Variants in ABCA8 observed in about 807,000 individuals in gnomAD.
The protein encoded by ABCA8 is ABC-type organic anion transporter ABCA8.
Under a neutral mutation model 192.3 loss-of-function variants are expected in ABCA8, and 177 were observed. That is an observed-to-expected ratio of 0.92 (90% CI 0.81 to 1.04). The LOEUF (loss-of-function observed/expected upper bound fraction) is 1.04. Among genes scored for constraint, ABCA8 ranks in the 50% least tolerant of loss-of-function variants. The pLI, the probability that ABCA8 is intolerant of heterozygous loss-of-function variation, is 0.00. For synonymous variants in ABCA8, 642 were observed against 690.2 expected (o/e 0.93, Z 1.09); for missense variants, 1,915 against 1,904.8 (o/e 1.01, Z -0.10).
intron 5 of ABCA8, among the ~76,000 whole-genome samples, chr17:68,935,293 T>TGTGTGTGTGTGTGTG (rs1491187643): frequency 2.0e-5 from 3 of 149,352 alleles, no homozygotes; most frequent in African/African-American, 7.4e-5. Flanking sequence ...TGTGTGTGTG[T>TGTGTGTGTGTGTGTG]TTCAGTAGAG....
In ABCA8 at chr17:68,919,195, A is replaced by T. The variant is rs1273132149; in HGVS notation, c.1788+106T>A. On this transcript the variant is annotated intron_variant, in intron 14 of 39. Transcript: ENST00000586539. ...TTTAAATTGGATTTTCTTGTCCAAC[A>T]ATTGTACAATGATTTGCGCACAAAT... 8 of 1,091,772 alleles carry T rather than the reference A, an allele frequency of 7.3e-6. No homozygotes were observed. The East Asian group carries it at 1.9e-4, about 26-fold the overall frequency. The allele number at this position is 1,091,772 out of a possible 1,614,324, so 67.6% of individuals were successfully genotyped here. A position where few individuals can be genotyped will look rare whatever the true frequency, so the allele number is the denominator to read the frequency against.
At chr17:68,901,425 T>C (rs1239874548) in intron 21 of ABCA8, among the ~76,000 whole-genome samples, 1 of 152,172 alleles carries the variant, frequency 6.6e-6, no homozygotes, top group Non-Finnish European at 1.5e-5. Flanking sequence ...AATCACAAGA[T>C]ACTACTTGAC....
chr17:68,928,009 C>A lies in ABCA8; in HGVS notation c.1180G>T (p.Gly394Cys), dbSNP rs773303250. The A allele has an allele frequency of 5.6e-6, 9 of 1,604,854 alleles. No individual in the cohort carries two copies. The highest frequency in any genetic ancestry group is 7.7e-6 in the Non-Finnish European group (9 of 1,176,130). ...TTTGTTGCTACAATGAGATTTGAGC[C>A]GTCCGATGGATGAGGAAATGCATTA... ...NSNAFPHPSD[G>C]SNLIVATNFM... The change falls in exon 10 of 40, where the codon GGC (glycine) becomes TGC (cysteine). Residue 394 changes from glycine to cysteine, a missense_variant. Coordinates refer to ENST00000586539, the MANE Select transcript of ABCA8 (RefSeq NM_001288985.2).
chr17:68,943,594 A>G (rs900845501), intron 2 of ABCA8, among the ~76,000 whole-genome samples: 7 of 152,214 alleles, frequency 4.6e-5, no homozygotes, highest in East Asian at 3.8e-4. Context: ...TCTTGGGTCT[A>G]TCAAAGAGCT....
chr17:68,922,222 T>TAAA lies in ABCA8; in HGVS notation c.1501+19_1501+20insTTT. ...TTTTTTTTTTTTTTTTTTTTTTTTTTTTTTTTTTTTTTTTTTTACCTTTCA... is the reference window on the plus strand; with the variant it reads ...TTTTTTTTTTTTTTTTTTTTTTTTTTAAATTTTTTTTTTTTTTTTTACCTTTCA... On this transcript the variant is annotated intron_variant, in intron 12 of 39. Coordinates refer to ENST00000586539, the MANE Select transcript of ABCA8 (RefSeq NM_001288985.2). The TAAA allele has an allele frequency of 4.5e-5, 5 of 111,162 alleles. No homozygotes were observed. Among genetic ancestry groups the TAAA allele is most frequent in the Non-Finnish European group, 6.5e-5 (4 of 61,466 alleles). 6.9% of individuals were successfully genotyped at this position (111,162 alleles called of 1,614,324 possible).
intron 32 of ABCA8, chr17:68,880,702 A>T (rs2143286279): frequency 1.1e-5 from 2 of 182,982 alleles, no homozygotes; most frequent in East Asian, 3.2e-4. Context: ...CACCACAACC[A>T]GCATGCCTGG....
chr17:68,943,720 C>T (rs2068297926), intron 2 of ABCA8, among the ~76,000 whole-genome samples: 1 of 152,146 alleles, frequency 6.6e-6, no homozygotes, highest in African/African-American at 2.4e-5. Context: ...GACATGGCTA[C>T]TATAAAAGCA....
intron 28 of ABCA8, 46 bp from the exon 29 acceptor site, chr17:68,883,928 T>G (rs2066396505): frequency 1.6e-6 from 2 of 1,248,728 alleles, no homozygotes; most frequent in Non-Finnish European, 2.3e-6. Flanking sequence ...AAAAGATAAT[T>G]GTTCAATATC....
At chr17:68,947,202 G>C (rs748466308) in intron 2 of ABCA8, among the ~76,000 whole-genome samples, 4 of 151,888 alleles carry the variant, frequency 2.6e-5, no homozygotes, top group Non-Finnish European at 5.9e-5. Flanking sequence ...TCTTCTACAT[G>C]GACATTAGAT....
intron 32 of ABCA8, chr17:68,879,009 G>A (rs1472377933): frequency 6.6e-6 from 1 of 152,084 alleles, no homozygotes; most frequent in Non-Finnish European, 1.5e-5. Flanking sequence ...AGTTCTTAAG[G>A]TTTTCTATCT....
chr17:68,928,125 G>T, intron 9 of ABCA8, 62 bp from the exon 10 acceptor site: 1 of 1,344,302 alleles, frequency 7.4e-7, no homozygotes, highest in African/African-American at 1.5e-5. Context: ...TAAACAGTTA[G>T]GTTTAGCATA....
chr17:68,921,452 T>C lies in ABCA8; in HGVS notation c.1542A>G (p.Ile514Met), dbSNP rs769722688. The part of the protein sequence containing the change: ...FDIYEGQITA[I>M]LGHSGAGKST... ...ACTTTCCAGCTCCACTGTGACCAAG[T>C]ATTGCAGTGATTTGGCCTTCGTAAA... The change falls in exon 13 of 40, where the codon ATA becomes ATG. Residue 514 changes from isoleucine to methionine, a missense_variant. Ile to Met is a conservative substitution (Grantham distance 10). Coordinates refer to ENST00000586539, the MANE Select transcript of ABCA8 (RefSeq NM_001288985.2). 17 of 1,609,136 alleles carry C rather than the reference T, an allele frequency of 1.1e-5. No homozygotes were observed. Among genetic ancestry groups the C allele is most frequent in the Non-Finnish European group, 1.3e-5 (15 of 1,176,914 alleles).
At chr17:68,880,995 C>T in intron 32 of ABCA8, 125 bp downstream of exon 32, 1 of 716,780 alleles carries the variant, frequency 1.4e-6, no homozygotes. Flanking sequence ...AATTTATTCT[C>T]TTGGGTAGTT....
At position 68,894,182 on chromosome 17, in the gene ABCA8, T is replaced by C; in HGVS notation, c.3027A>G (p.Thr1009=). ...PSVHIRTERS[T]FLENGQDNPI... Reference sequence around the variant, plus strand: ...GATTATATATATTTACCTCCAAAAATGTACTTCTTTCAGTTCGGATATGTA... The same window carrying C: ...GATTATATATATTTACCTCCAAAAACGTACTTCTTTCAGTTCGGATATGTA... Residue 1009 remains threonine (T), a synonymous_variant, in exon 23 of 40, where the codon ACA becomes ACG. Transcript: ENST00000586539. 2 of 1,613,248 alleles carry C rather than the reference T, an allele frequency of 1.2e-6. No individual in the cohort carries two copies. Among genetic ancestry groups the C allele is most frequent in the Non-Finnish European group, 1.7e-6 (2 of 1,179,572 alleles).
Position 68,876,628 on chromosome 17 carries a change from C to T in ABCA8, c.4275G>A (p.Lys1425=), listed in dbSNP as rs992115319. The change falls in exon 34 of 40, where the codon AAG becomes AAA. Residue 1425 remains lysine (K), a splice_region_variant and synonymous_variant. Coordinates refer to ENST00000586539, the MANE Select transcript of ABCA8 (RefSeq NM_001288985.2). ...GAGCAACACCAAGCCCTGCCCGTAC[C>T]TTTCTCTTTATTCCCTCTGACAAGG... ...VKTLSEGIKR[K]LCFVLSILGN... 1.9e-6 allele frequency: 3 copies of T among 1,614,082 alleles called. No individual in the cohort carries two copies. In the African/African-American group the frequency reaches 4.0e-5, roughly 22 times the overall value.
At chr17:68,880,474 G>A (rs1268361294) in intron 32 of ABCA8, among the ~76,000 whole-genome samples, 1 of 152,176 alleles carries the variant, frequency 6.6e-6, no homozygotes, top group Non-Finnish European at 1.5e-5. Context: ...TTGCCATGTT[G>A]CAGGCAATGA....
At position 68,894,863 on chromosome 17, in the gene ABCA8, A is replaced by G. The variant is rs1327667285; in HGVS notation, c.2898+17T>C. 1.2e-6 allele frequency: 2 copies of G among 1,603,746 alleles called. No individual in the cohort carries two copies. Among genetic ancestry groups the G allele is most frequent in the Admixed American group, 3.5e-5 (2 of 57,576 alleles). Reference sequence around the variant, plus strand: ...GCTTTTCACATTTTTCAGAAAGATTATTAGAGACCTGCATACCTTTTCATT... The same window carrying G: ...GCTTTTCACATTTTTCAGAAAGATTGTTAGAGACCTGCATACCTTTTCATT... On this transcript the variant is annotated intron_variant, in intron 22 of 39. Coordinates refer to ENST00000586539, the MANE Select transcript of ABCA8 (RefSeq NM_001288985.2).
chr17:68,930,808 A>T (rs2067848149), intron 7 of ABCA8, among the ~76,000 whole-genome samples: 1 of 152,180 alleles, frequency 6.6e-6, no homozygotes, highest in African/African-American at 2.4e-5. Flanking sequence ...ATAAGATGTT[A>T]ATACTGGAAG....
In ABCA8 at chr17:68,919,211, G is replaced by C. The variant is rs867194062; in HGVS notation, c.1788+90C>G. On this transcript the variant is annotated intron_variant, in intron 14 of 39. Transcript: ENST00000586539. ...TTGTCCAACAATTGTACAATGATTT[G>C]CGCACAAATAATTTAAAATTAAAAC... is the stretch of plus-strand genomic sequence containing the variant. The C allele has an allele frequency of 5.0e-6, 6 of 1,204,840 alleles. No individual in the cohort carries two copies. In the Middle Eastern group the frequency reaches 1.3e-3, roughly 253 times the overall value. 74.6% of individuals were successfully genotyped at this position (1,204,840 alleles called of 1,614,324 possible).
Sources: gnomAD v4.1 joint callset for allele counts (sites outside exome capture counted in the v4.1 genomes callset) on GRCh38, gnomAD v4.1.1 for gene constraint, MANE v1.5 for transcripts, NCBI Gene and HGNC (gene_info 2026-07-23, HGNC 2026-07-21) for gene names.